CIMAP1C: variants seen among roughly 807,000 people sequenced by gnomAD.
CIMAP1C encodes ciliary microtubule associated protein 1C.
chr15:75,725,107 G>A, the CIMAP1C span: 1 of 1,612,158 alleles, frequency 6.2e-7, no homozygotes, highest in South Asian at 1.1e-5. Flanking sequence ...CATCCTTACA[G>A]GTCCGGGGCC....
the CIMAP1C span, chr15:75,725,063 G>C: frequency 2.2e-6 from 3 of 1,378,826 alleles, no homozygotes; most frequent in East Asian, 6.8e-5. Flanking sequence ...CCCTGCCTCT[G>C]ACCTGGTGGG....
the CIMAP1C span, chr15:75,727,563 G>A: frequency 7.8e-6 from 12 of 1,530,278 alleles, no homozygotes; most frequent in Non-Finnish European, 1.1e-5. Flanking sequence ...GGCACTCACT[G>A]CCCCTCATCC....
chr15:75,727,565 C>T, the CIMAP1C span: 4 of 1,525,748 alleles, frequency 2.6e-6, no homozygotes, highest in South Asian at 1.3e-5. Context: ...CACTCACTGC[C>T]CCTCATCCCC....
chr15:75,725,938 C>A, the CIMAP1C span: 21 of 633,634 alleles, frequency 3.3e-5, no homozygotes, highest in South Asian at 4.1e-4. Flanking sequence ...ATCAAGGGTC[C>A]CCAAACACCC....
chr15:75,726,647 G>A, the CIMAP1C span, among the ~76,000 whole-genome samples: 33 of 152,042 alleles, frequency 2.2e-4, 1 homozygote, highest in African/African-American at 7.5e-4. Flanking sequence ...ATCGAGTCTC[G>A]CTCTGTTGCC....
the CIMAP1C span, chr15:75,727,036 C>A: frequency 6.2e-7 from 1 of 1,600,770 alleles, no homozygotes; most frequent in Non-Finnish European, 8.5e-7. Flanking sequence ...TGAGAGCCCT[C>A]CCTTCCCGCC....
At chr15:75,727,238 C>T in the CIMAP1C span, 33 of 1,614,052 alleles carry the variant, frequency 2.0e-5, no homozygotes, top group African/African-American at 1.3e-4. Context: ...CCCTGTCAGC[C>T]GAGCTGCTCC....
At chr15:75,724,169 A>AGCT in the CIMAP1C span, 3 of 1,467,716 alleles carry the variant, frequency 2.0e-6, no homozygotes, top group East Asian at 4.5e-5. Context: ...ACCCTGCTGT[A>AGCT]GCTGCTGCTG....
At chr15:75,727,004 G>A in the CIMAP1C span, 7 of 1,565,942 alleles carry the variant, frequency 4.5e-6, no homozygotes, top group Non-Finnish European at 6.1e-6. Context: ...GGCTAGCAGA[G>A]AATGAGGTCT....
chr15:75,726,684 C>T, the CIMAP1C span, among the ~76,000 whole-genome samples: 2 of 151,786 alleles, frequency 1.3e-5, no homozygotes, highest in African/African-American at 4.8e-5. Flanking sequence ...GGCGTGATCT[C>T]GGCTCACTGC....
At chr15:75,727,153 G>A in the CIMAP1C span, 1 of 1,614,054 alleles carries the variant, frequency 6.2e-7, no homozygotes, top group Non-Finnish European at 8.5e-7. Flanking sequence ...TTGGCTACCG[G>A]CGCCCATACA....
the CIMAP1C span, chr15:75,726,204 T>TG: frequency 7.7e-6 from 5 of 646,500 alleles, no homozygotes; most frequent in African/African-American, 4.3e-5. Flanking sequence ...TGTTGGGGGT[T>TG]GGGAGGTTGG....
the CIMAP1C span, chr15:75,725,282 G>T: frequency 2.5e-6 from 3 of 1,223,834 alleles, no homozygotes; most frequent in Non-Finnish European, 3.6e-6. Flanking sequence ...TGAGGGGAGA[G>T]ACATGGAGCC....
chr15:75,726,988 T>A, the CIMAP1C span: 1 of 1,547,566 alleles, frequency 6.5e-7, no homozygotes, highest in African/African-American at 1.4e-5. Flanking sequence ...ACCAGGACCA[T>A]CAGTTGGCTA....
chr15:75,727,556 A>G, the CIMAP1C span: 1 of 1,548,890 alleles, frequency 6.5e-7, no homozygotes, highest in East Asian at 2.3e-5. Context: ...CTCTTGGGGC[A>G]CTCACTGCCC....
At chr15:75,725,797 C>A in the CIMAP1C span, among the ~76,000 whole-genome samples, 1 of 152,198 alleles carries the variant, frequency 6.6e-6, no homozygotes, top group Non-Finnish European at 1.5e-5. Flanking sequence ...TATTACTCCC[C>A]GTTGGCCCCA....
At chr15:75,727,660 A>G in the CIMAP1C span, 4 of 965,900 alleles carry the variant, frequency 4.1e-6, no homozygotes, top group Non-Finnish European at 4.6e-6. Flanking sequence ...TCCGGCACAC[A>G]GAAGACATTA....
chr15:75,727,075 C>G, the CIMAP1C span: 248 of 1,613,146 alleles, frequency 1.5e-4, no homozygotes, highest in Non-Finnish European at 1.9e-4. Flanking sequence ...ACCCCACCCT[C>G]GCATCCTGCC....
chr15:75,727,227 C>A, the CIMAP1C span: 1 of 1,614,186 alleles, frequency 6.2e-7, no homozygotes, highest in Non-Finnish European at 8.5e-7. Context: ...GGGCCCAACA[C>A]CCCTGTCAGC....
Sources: gnomAD v4.1 joint callset for allele counts (sites outside exome capture counted in the v4.1 genomes callset) on GRCh38, gnomAD v4.1.1 for gene constraint, MANE v1.5 for transcripts, NCBI Gene and HGNC (gene_info 2026-07-23, HGNC 2026-07-21) for gene names.